PDE1A: variants seen among roughly 807,000 people sequenced by gnomAD.
PDE1A encodes dual specificity calcium/calmodulin-dependent 3',5'-cyclic nucleotide phosphodiesterase 1A.
In PDE1A, 35 loss-of-function variants were observed where a neutral mutation model predicts 61.7. That is an observed-to-expected ratio of 0.57 (90% CI 0.43 to 0.75). The LOEUF is 0.75. PDE1A is among the 30% of genes least tolerant of loss of function. The pLI is 0.00. For synonymous variants in PDE1A, 232 were observed against 213.2 expected, an observed-to-expected ratio of 1.09 and a Z score of -0.77; for missense variants, 597 against 630.6, an observed-to-expected ratio of 0.95 and a Z score of 0.57.
intron 2 of PDE1A, among the ~76,000 whole-genome samples, chr2:182,262,771 AAAG>A (rs1221527016): frequency 7.2e-5 from 11 of 152,324 alleles, no homozygotes; most frequent in African/African-American, 1.9e-4. Context: ...TTCAGTGAAA[AAAG>A]AAGAATGAGA....
At chr2:182,415,165 T>C (rs1275607649) in intron 1 of PDE1A, among the ~76,000 whole-genome samples, 2 of 152,168 alleles carry the variant, frequency 1.3e-5, no homozygotes, top group Admixed American at 1.3e-4. Flanking sequence ...CTAAATATTT[T>C]ATTCCTAAAA....
At chr2:182,617,754 C>G in the PDE1A span, among the ~76,000 whole-genome samples, 1 of 152,158 alleles carries the variant, frequency 6.6e-6, no homozygotes, top group Non-Finnish European at 1.5e-5. Context: ...TCTTCCTGTT[C>G]TTGGAATGTC....
rs150751493 is a variant in PDE1A, at chr2:182,253,279, A to G, written c.167+11022T>C. On this transcript the variant is annotated intron_variant, in intron 2 of 13. Transcript: ENST00000351439. ...ATCAAACCTAAATGAAAGTGGCTCA[A>G]ATAATGTAGAAATTGATTGATTTCC... 1.7e-3 allele frequency among the ~76,000 whole-genome samples: 262 copies of G among 152,338 alleles called. 2 individuals carry two copies. The highest frequency in any genetic ancestry group is 6.1e-3 in the African/African-American group (254 of 41,582).
At chr2:182,597,361 C>G in the PDE1A span, among the ~76,000 whole-genome samples, 110 of 152,100 alleles carry the variant, frequency 7.2e-4, 1 homozygote, top group Middle Eastern at 3.4e-3. Flanking sequence ...GTTGCTATGC[C>G]TCACTAAGGG....
intron 1 of PDE1A, among the ~76,000 whole-genome samples, chr2:182,383,815 T>C (rs1430157): frequency 0.71 from 108,358 of 152,084 alleles, 38,874 homozygotes; most frequent in East Asian, 0.96. Context: ...CAACCCCAGG[T>C]ATTTCAGCAT....
At chr2:182,390,677 A>G (rs144331831) in intron 1 of PDE1A, among the ~76,000 whole-genome samples, 3,187 of 152,280 alleles carry the variant, frequency 0.021, 113 homozygotes, top group African/African-American at 0.073. Flanking sequence ...GAGCTGCAAC[A>G]AAAGGTGCAC....
chr2:182,511,668 A>G (rs1406988671), intron 2 of PDE1A, among the ~76,000 whole-genome samples: 5 of 152,178 alleles, frequency 3.3e-5, no homozygotes, highest in Non-Finnish European at 5.9e-5. Flanking sequence ...GTTGACTCAA[A>G]TCTAGACAGA....
chr2:182,338,804 G>A (rs192529959), intron 1 of PDE1A, among the ~76,000 whole-genome samples: 1 of 152,212 alleles, frequency 6.6e-6, no homozygotes, highest in Non-Finnish European at 1.5e-5. Flanking sequence ...TTACAGGTGT[G>A]ACCCGCTGTG....
chr2:182,251,732 AC>A (rs1161393427), intron 2 of PDE1A, among the ~76,000 whole-genome samples: 2 of 152,238 alleles, frequency 1.3e-5, no homozygotes, highest in African/African-American at 4.8e-5. Flanking sequence ...TTCCTTATGC[AC>A]ATTATTTCAC....
chr2:182,667,345 G>C, the PDE1A span, among the ~76,000 whole-genome samples: 2 of 152,156 alleles, frequency 1.3e-5, no homozygotes, highest in African/African-American at 4.8e-5. Flanking sequence ...TGGCAGTTAA[G>C]TATTGTCCAT....
At chr2:182,230,235 G>A in intron 5 of PDE1A, 89 bp from the exon 6 acceptor site, 1 of 966,796 alleles carries the variant, frequency 1.0e-6, no homozygotes, top group Non-Finnish European at 1.5e-6. Context: ...ACATATTAGT[G>A]AGTCAGATGT....
intron 2 of PDE1A, among the ~76,000 whole-genome samples, chr2:182,451,531 T>C (rs879882081): frequency 1.3e-5 from 2 of 152,154 alleles, no homozygotes; most frequent in Non-Finnish European, 2.9e-5. Flanking sequence ...CTTACTTAAC[T>C]GTGTAAGTAG....
the PDE1A span, among the ~76,000 whole-genome samples, chr2:182,626,792 CAT>C: frequency 1.1e-3 from 10 of 8,976 alleles, no homozygotes; most frequent in African/African-American, 4.2e-3. Context: ...CATATATATA[CAT>C]ATATATACAT....
the PDE1A span, among the ~76,000 whole-genome samples, chr2:182,681,464 T>C: frequency 1.3e-5 from 2 of 151,140 alleles, no homozygotes; most frequent in African/African-American, 2.4e-5. Flanking sequence ...TGAGCCACCA[T>C]ACCTATCTGG....
intron 2 of PDE1A, among the ~76,000 whole-genome samples, chr2:182,484,382 T>G (rs1054963365): frequency 6.6e-6 from 1 of 151,894 alleles, no homozygotes; most frequent in Non-Finnish European, 1.5e-5. Context: ...ATTACAGACA[T>G]AAATGTAAAA....
intron 1 of PDE1A, among the ~76,000 whole-genome samples, chr2:182,302,729 C>A (rs1695326076): frequency 6.6e-6 from 1 of 152,168 alleles, no homozygotes; most frequent in Non-Finnish European, 1.5e-5. Flanking sequence ...TAGCATTTGA[C>A]CCACAGTACT....
the PDE1A span, among the ~76,000 whole-genome samples, chr2:182,677,164 C>A: frequency 1.3e-5 from 2 of 152,234 alleles, no homozygotes; most frequent in Non-Finnish European, 2.9e-5. Context: ...CAAGAAAACC[C>A]CATAGTCTTG....
intron 2 of PDE1A, among the ~76,000 whole-genome samples, chr2:182,432,384 G>C (rs1483958946): frequency 6.6e-6 from 1 of 151,510 alleles, no homozygotes; most frequent in South Asian, 2.1e-4. Context: ...ACTCAAATGT[G>C]AAAATAAATT....
chr2:182,637,791 C>T, the PDE1A span, among the ~76,000 whole-genome samples: 2 of 151,928 alleles, frequency 1.3e-5, no homozygotes, highest in African/African-American at 2.4e-5. Context: ...CATGGTGGTA[C>T]GTGCCTGTAA....
Sources: allele counts gnomAD v4.1 joint callset (sites outside exome capture counted in the v4.1 genomes callset), GRCh38; gene constraint gnomAD v4.1.1; transcripts MANE v1.5; gene names NCBI Gene and HGNC (gene_info 2026-07-23, HGNC 2026-07-21).